STARD8: variants seen among roughly 807,000 people sequenced by gnomAD.
STARD8 encodes the protein StAR related lipid transfer domain containing 8.
In STARD8, 25 loss-of-function variants were observed where a neutral mutation model predicts 69.4. The observed-to-expected ratio is 0.36, with a 90% CI of 0.26 to 0.50. STARD8 has a LOEUF of 0.50. STARD8 is among the 20% of genes least tolerant of loss of function. The probability of loss-of-function intolerance (pLI) is 0.96; values close to 1 mark genes in which losing one functional copy is unlikely to be tolerated. For synonymous variants in STARD8, 389 were observed against 374.6 expected, an observed-to-expected ratio of 1.04 and a Z score of -0.45; for missense variants, 921 against 932.5, an observed-to-expected ratio of 0.99 and a Z score of 0.16.
At chrX:68,721,386 AC>A in intron 9 of STARD8, 149 bp from the exon 10 acceptor site, 1 of 601,715 alleles carries the variant, frequency 1.7e-6, no homozygotes, top group Non-Finnish European at 2.6e-6. Context: ...TAGATCAAGC[AC>A]CCAGAGACCT....
chrX:68,702,858 A>G (rs1335331077), intron 2 of STARD8, among the ~76,000 whole-genome samples: 1 of 111,979 alleles, frequency 8.9e-6, no homozygotes, highest in Non-Finnish European at 1.9e-5. Flanking sequence ...TACAAAGTCC[A>G]TGGCTCAGGG....
chrX:68,675,238 G>A (rs748422608), intron 2 of STARD8, among the ~76,000 whole-genome samples: 113 of 110,847 alleles, frequency 1.0e-3, no homozygotes, highest in Non-Finnish European at 1.7e-3. Flanking sequence ...GATTACAGGC[G>A]TGAGGCACTG....
intron 2 of STARD8, among the ~76,000 whole-genome samples, chrX:68,702,792 A>G (rs1192197654): frequency 4.5e-5 from 5 of 110,645 alleles, no homozygotes; most frequent in African/African-American, 1.7e-4. Flanking sequence ...TCAATGACAT[A>G]ATACACATTA....
chrX:68,647,951 C>T (rs1368836317), intron 1 of STARD8, 24 bp downstream of exon 1: 1 of 1,192,043 alleles, frequency 8.4e-7, no homozygotes, highest in Non-Finnish European at 1.1e-6. Flanking sequence ...CAGCCCCAGC[C>T]CATCCCGCTG....
Position 68,719,329 on chromosome X carries a change from A to T in STARD8, c.1820A>T (p.Lys607Met). 8.3e-7 allele frequency: 1 copy of T among 1,208,826 alleles called. No individual in the cohort carries two copies. The highest frequency in any genetic ancestry group is 1.1e-6 in the Non-Finnish European group (1 of 893,982). The stretch of plus-strand genomic sequence containing the variant: ...GCAGGCCAGATCAACCTCCTGCACA[A>T]GGGCTCACTGCTGCGGCTTACCGCG... ...QFAGQINLLH[K>M]GSLLRLTAFM... The change falls in exon 7 of 15, where the codon AAG becomes ATG. Residue 607 changes from lysine to methionine, a missense_variant. Coordinates refer to ENST00000374599, the MANE Select transcript of STARD8 (RefSeq NM_001142503.3).
chrX:68,683,834 A>G (rs1040584414), intron 2 of STARD8, among the ~76,000 whole-genome samples: 2 of 111,718 alleles, frequency 1.8e-5, no homozygotes, highest in Non-Finnish European at 3.8e-5. Flanking sequence ...AATTCAAGTA[A>G]CTCTCAAGGG....
Position 68,721,012 on chromosome X carries a change from A to G in STARD8, c.2138A>G (p.Glu713Gly). 8.3e-7 allele frequency: 1 copy of G among 1,211,834 alleles called. No individual in the cohort carries two copies. The highest frequency in any genetic ancestry group is 1.8e-5 in the South Asian group (1 of 56,980). The change falls in exon 9 of 15, where the codon GAG (glutamate) becomes GGG (glycine). Residue 713 changes from glutamate to glycine, a missense_variant. Coordinates refer to ENST00000374599, the MANE Select transcript of STARD8 (RefSeq NM_001142503.3). ...NETSPDNVCY[E>G]GQSAYDVADL... The stretch of plus-strand genomic sequence containing the variant: ...ACCTCGCCTGACAATGTCTGCTACG[A>G]GGGCCAGTCAGCCTACGACGTGGCT...
intron 1 of STARD8, among the ~76,000 whole-genome samples, chrX:68,657,233 G>A (rs1168059741): frequency 8.9e-6 from 1 of 111,981 alleles, no homozygotes; most frequent in Admixed American, 9.5e-5. Flanking sequence ...GATCAAATGA[G>A]AATGATCCCA....
At chrX:68,653,796 T>TAC (rs1383144998) in intron 1 of STARD8, among the ~76,000 whole-genome samples, 3 of 99,511 alleles carry the variant, frequency 3.0e-5, no homozygotes, top group Admixed American at 1.1e-4. Context: ...ACACACCACA[T>TAC]ACACACACAC....
intron 1 of STARD8, among the ~76,000 whole-genome samples, chrX:68,659,745 G>T (rs991035777): frequency 1.8e-5 from 2 of 111,590 alleles, no homozygotes; most frequent in African/African-American, 6.5e-5. Context: ...GGCCTGCTGT[G>T]GACATGAGGA....
chrX:68,704,570 A>G (rs2079991249), intron 2 of STARD8, among the ~76,000 whole-genome samples: 1 of 111,499 alleles, frequency 9.0e-6, no homozygotes, highest in Admixed American at 9.5e-5. Flanking sequence ...CAACCATTTG[A>G]TGGAAAAGTT....
chrX:68,702,327 G>A (rs1333265243), intron 2 of STARD8, among the ~76,000 whole-genome samples: 2 of 112,050 alleles, frequency 1.8e-5, no homozygotes, highest in African/African-American at 6.5e-5. Context: ...CAACAGGAGG[G>A]CTGTGGTTAT....
At position 68,717,750 on chromosome X, in the gene STARD8, A is replaced by C. The variant is rs1340869577; in HGVS notation, c.836A>C (p.Glu279Ala). Reference sequence around the variant, plus strand: ...GGTGCCAATACTCGGAAGGCCTGGGAGGCCTGGCCTGTGGCCTCGTTCCGG... The same window carrying C: ...GGTGCCAATACTCGGAAGGCCTGGGCGGCCTGGCCTGTGGCCTCGTTCCGG... Reference protein sequence around the residue: ...GSGANTRKAWEAWPVASFRHP... With the variant: ...GSGANTRKAWAAWPVASFRHP... The change falls in exon 6 of 15, where the codon GAG becomes GCG. Residue 279 changes from glutamate to alanine, a missense_variant. Coordinates refer to ENST00000374599, the MANE Select transcript of STARD8 (RefSeq NM_001142503.3). 8.3e-6 allele frequency: 10 copies of C among 1,212,057 alleles called. No individual in the cohort carries two copies. The highest frequency in any genetic ancestry group is 1.1e-5 in the Non-Finnish European group (10 of 895,544).
chrX:68,668,102 TTTC>T (rs1229875863), intron 2 of STARD8, among the ~76,000 whole-genome samples: 5 of 95,445 alleles, frequency 5.2e-5, no homozygotes, highest in Non-Finnish European at 1.0e-4. Context: ...TCTTTCTTTC[TTTC>T]TTTCTTTCTG....
At chrX:68,712,601 T>C (rs2080059569) in intron 2 of STARD8, among the ~76,000 whole-genome samples, 1 of 112,070 alleles carries the variant, frequency 8.9e-6, no homozygotes, top group Non-Finnish European at 1.9e-5. Flanking sequence ...GCAGGCCTCC[T>C]TGACCCCAGA....
intron 1 of STARD8, among the ~76,000 whole-genome samples, chrX:68,651,537 G>A (rs755477283): frequency 8.9e-6 from 1 of 111,944 alleles, no homozygotes; most frequent in East Asian, 2.8e-4. Flanking sequence ...GGTTTGAGGG[G>A]TGGGGAATGG....
intron 11 of STARD8, 72 bp from the exon 12 acceptor site, chrX:68,722,350 C>A (rs1487226743): frequency 5.9e-6 from 6 of 1,014,540 alleles, no homozygotes; most frequent in East Asian, 6.7e-5. Context: ...CTGCCCTTAA[C>A]GTGAACCTGA....
In STARD8 at chrX:68,723,632, G is replaced by T; in HGVS notation, c.2806G>T (p.Asp936Tyr). The T allele has an allele frequency of 3.4e-6, 4 of 1,192,289 alleles. No homozygotes were observed. The highest frequency in any genetic ancestry group is 4.5e-6 in the Non-Finnish European group (4 of 886,096). ...HTELACRKAP[D>Y]GHPLRLWKAS... is the part of the protein sequence containing the mutation. The stretch of plus-strand genomic sequence containing the variant: ...CCACTCCTGTGGCTCACAGGCACCG[G>T]ATGGGCACCCCCTGCGGCTATGGAA... Residue 936 changes from aspartate to tyrosine, a missense_variant, in exon 13 of 15, where the codon GAT (aspartate) becomes TAT (tyrosine). Transcript: ENST00000374599.
At chrX:68,692,992 C>T (rs1215209188) in intron 2 of STARD8, among the ~76,000 whole-genome samples, 2 of 113,000 alleles carry the variant, frequency 1.8e-5, no homozygotes, top group Non-Finnish European at 3.7e-5. Flanking sequence ...AAATCAAAGC[C>T]GAAGGCTCTT....
Sources: allele counts gnomAD v4.1 joint callset (sites outside exome capture counted in the v4.1 genomes callset), GRCh38; gene constraint gnomAD v4.1.1; transcripts MANE v1.5; gene names NCBI Gene and HGNC (gene_info 2026-07-23, HGNC 2026-07-21).